Variants in CTNNA3 observed in about 807,000 individuals in gnomAD.
CTNNA3 encodes catenin alpha-3.
In CTNNA3, 76 loss-of-function variants were observed where a neutral mutation model predicts 95.7. The observed-to-expected ratio is 0.79, with a 90% confidence interval of 0.66 to 0.96. The LOEUF is 0.96. Ranked by LOEUF, CTNNA3 falls within the 40% of genes least tolerant of loss-of-function variation. The probability of loss-of-function intolerance (pLI) is 0.00; values close to 1 mark genes in which losing one functional copy is unlikely to be tolerated. For missense variants in CTNNA3, 1,191 were observed against 1,089.8 expected, an observed-to-expected ratio of 1.09 and a Z score of -1.31; for synonymous variants, 431 against 374.4, an observed-to-expected ratio of 1.15 and a Z score of -1.74.
chr10:67,517,956 C>T (rs1211371929), intron 5 of CTNNA3, among the ~76,000 whole-genome samples: 1 of 152,074 alleles, frequency 6.6e-6, no homozygotes, highest in East Asian at 1.9e-4. Context: ...ATGAGAATAA[C>T]AGAAAACATA....
At chr10:66,943,476 G>T in intron 7 of CTNNA3, among the ~76,000 whole-genome samples, 1 of 150,536 alleles carries the variant, frequency 6.6e-6, no homozygotes, top group African/African-American at 2.4e-5. Flanking sequence ...TGAAATCCTG[G>T]GAAGCCTATC....
At chr10:67,537,121 C>T (rs959531777) in intron 4 of CTNNA3, among the ~76,000 whole-genome samples, 2 of 152,084 alleles carry the variant, frequency 1.3e-5, no homozygotes, top group African/African-American at 4.8e-5. Context: ...GAAATTCAGG[C>T]TCTAACAAGG....
chr10:67,007,091 C>CA (rs1262593038), intron 7 of CTNNA3, among the ~76,000 whole-genome samples: 1 of 152,124 alleles, frequency 6.6e-6, no homozygotes, highest in African/African-American at 2.4e-5. Context: ...CCACCACACC[C>CA]AGCTTACAGT....
intron 12 of CTNNA3, among the ~76,000 whole-genome samples, chr10:66,349,079 A>G (rs2092547305): frequency 6.6e-6 from 1 of 152,090 alleles, no homozygotes; most frequent in African/African-American, 2.4e-5. Context: ...TTACTTCACA[A>G]TTCGTTACAT....
chr10:66,780,732 A>G (rs1166587834), intron 7 of CTNNA3, among the ~76,000 whole-genome samples: 1 of 152,248 alleles, frequency 6.6e-6, no homozygotes, highest in Non-Finnish European at 1.5e-5. Context: ...AGGATCTAGC[A>G]CAGTGCTTTG....
intron 7 of CTNNA3, among the ~76,000 whole-genome samples, chr10:67,101,141 T>C (rs1312489031): frequency 6.6e-6 from 1 of 151,760 alleles, no homozygotes; most frequent in Non-Finnish European, 1.5e-5. Flanking sequence ...TTTGTGAATG[T>C]GCAGAACAGA....
intron 17 of CTNNA3, among the ~76,000 whole-genome samples, chr10:65,948,179 A>G (rs562184527): frequency 2.0e-5 from 3 of 151,136 alleles, no homozygotes; most frequent in East Asian, 2.0e-4. Context: ...TACTCGGGAG[A>G]CTGAGGCAGG....
intron 13 of CTNNA3, among the ~76,000 whole-genome samples, chr10:66,216,334 C>T (rs1403653722): frequency 6.6e-6 from 1 of 152,198 alleles, no homozygotes; most frequent in African/African-American, 2.4e-5. Flanking sequence ...AGACCTGGAT[C>T]TGGCAGGTAA....
intron 15 of CTNNA3, among the ~76,000 whole-genome samples, chr10:66,044,027 A>G (rs6480130): frequency 0.78 from 117,962 of 150,636 alleles, 46,411 homozygotes; most frequent in South Asian, 0.91. Flanking sequence ...ATGGAGTCTC[A>G]CTATGTCACC....
chr10:67,657,689 T>C (rs1475843317), intron 1 of CTNNA3, among the ~76,000 whole-genome samples: 3 of 151,210 alleles, frequency 2.0e-5, no homozygotes, highest in East Asian at 3.9e-4. Context: ...CTAATAAAAA[T>C]TTAAAATATT....
intron 11 of CTNNA3, among the ~76,000 whole-genome samples, chr10:66,516,740 T>A (rs968277299): frequency 1.3e-5 from 2 of 152,174 alleles, no homozygotes; most frequent in Admixed American, 6.5e-5. Flanking sequence ...AGGAACCAAG[T>A]TTTGACCTAT....
intron 1 of CTNNA3, among the ~76,000 whole-genome samples, chr10:67,705,792 A>G (rs1291691565): frequency 6.6e-6 from 1 of 151,846 alleles, no homozygotes; most frequent in Admixed American, 6.6e-5. Flanking sequence ...AATAAAAAAA[A>G]AAAAGAAAGA....
chr10:66,156,624 G>GAA (rs148671159), intron 13 of CTNNA3, among the ~76,000 whole-genome samples: 1 of 148,050 alleles, frequency 6.8e-6, no homozygotes, highest in Non-Finnish European at 1.5e-5. Flanking sequence ...GAAAATGAAG[G>GAA]AAAAAAAAAC....
At chr10:66,618,366 T>C (rs919118371) in intron 10 of CTNNA3, among the ~76,000 whole-genome samples, 6 of 152,126 alleles carry the variant, frequency 3.9e-5, no homozygotes, top group Admixed American at 3.9e-4. Flanking sequence ...AACAGAGATA[T>C]AGATCAATGG....
chr10:67,530,873 G>A (rs1217854006), intron 4 of CTNNA3, among the ~76,000 whole-genome samples: 1 of 152,196 alleles, frequency 6.6e-6, no homozygotes, highest in African/African-American at 2.4e-5. Context: ...GCAGCCTAGG[G>A]ACTTGGAGCC....
chr10:67,480,062 T>A (rs1213222530), intron 5 of CTNNA3, among the ~76,000 whole-genome samples: 2 of 150,714 alleles, frequency 1.3e-5, no homozygotes, highest in African/African-American at 4.9e-5. Context: ...GACAGACCAA[T>A]AACAAGTTCC....
At chr10:66,087,731 G>C (rs2081044322) in intron 14 of CTNNA3, among the ~76,000 whole-genome samples, 1 of 152,038 alleles carries the variant, frequency 6.6e-6, no homozygotes, top group Non-Finnish European at 1.5e-5. Flanking sequence ...ATTAGAACTA[G>C]CCTGAAAAAT....
At chr10:67,727,408 G>A (rs9415885) in intron 1 of CTNNA3, among the ~76,000 whole-genome samples, 12,763 of 129,632 alleles carry the variant, frequency 0.098, 986 homozygotes, top group African/African-American at 0.21. Context: ...AATATGATAC[G>A]TAAGCTGTAA....
chr10:67,680,454 C>T (rs1433465887), intron 1 of CTNNA3, among the ~76,000 whole-genome samples: 2 of 152,102 alleles, frequency 1.3e-5, no homozygotes, highest in Admixed American at 6.5e-5. Context: ...GATTTTAGAA[C>T]GTCACAGGAA....
Sources: allele counts gnomAD v4.1 joint callset (sites outside exome capture counted in the v4.1 genomes callset), GRCh38; gene constraint gnomAD v4.1.1; transcripts MANE v1.5; gene names NCBI Gene and HGNC (gene_info 2026-07-23, HGNC 2026-07-21).